The following HOMER2 variants were observed in gnomAD, a reference collection of about 807,000 sequenced individuals.
HOMER2 encodes the protein homer scaffold protein 2.
Under a neutral mutation model 47.0 loss-of-function variants are expected in HOMER2, and 27 were observed. The ratio of observed to expected loss-of-function variants is 0.57; its 90% confidence interval spans 0.42 to 0.79. The LOEUF is 0.79. HOMER2 is among the 30% of genes least tolerant of loss of function. The pLI, the probability that HOMER2 is intolerant of heterozygous loss-of-function variation, is 0.00. For missense variants in HOMER2, 443 were observed against 435.0 expected, an observed-to-expected ratio of 1.02 and a Z score of -0.16; for synonymous variants, 161 against 163.8, an observed-to-expected ratio of 0.98 and a Z score of 0.13.
chr15:82,975,783 T>A (rs2030180103), intron 1 of HOMER2, among the ~76,000 whole-genome samples: 1 of 152,200 alleles, frequency 6.6e-6, no homozygotes, highest in Admixed American at 6.6e-5. Flanking sequence ...GAGTAAGACC[T>A]ACTATTTGAT....
At chr15:82,878,358 G>A (rs866470573) in intron 2 of HOMER2, among the ~76,000 whole-genome samples, 2 of 152,058 alleles carry the variant, frequency 1.3e-5, no homozygotes, top group South Asian at 2.1e-4. Context: ...TTCAGATGGC[G>A]AAACTGAGGC....
intron 1 of HOMER2, among the ~76,000 whole-genome samples, chr15:82,970,062 T>C (rs7171145): frequency 0.011 from 1,743 of 152,330 alleles, 33 homozygotes; most frequent in African/African-American, 0.04. Context: ...GTGAGGATCA[T>C]ACATGGTAAG....
rs768242740 is a variant in HOMER2, at chr15:82,852,208, C to A, written c.696G>T (p.Lys232Asn). Residue 232 changes from lysine to asparagine, a missense_variant, in exon 7 of 9, where the codon AAG becomes AAT. Lys to Asn is a moderately conservative substitution (Grantham distance 94, BLOSUM62 0). Transcript: ENST00000450735. Reference protein sequence around the residue: ...EEQCSEINREKEKNTQLKRRI... With the variant: ...EEQCSEINRENEKNTQLKRRI... ...TCCTCTTCAGCTGCGTGTTCTTCTC[C>A]TTCTCTCTGTTGATCTCACTGCATT... 3.7e-6 allele frequency: 6 copies of A among 1,613,976 alleles called. No individual in the cohort carries two copies. The South Asian group carries it at 5.5e-5, about 15-fold the overall frequency.
chr15:82,900,702 A>C (rs2053086551), intron 1 of HOMER2, among the ~76,000 whole-genome samples: 1 of 152,232 alleles, frequency 6.6e-6, no homozygotes, highest in African/African-American at 2.4e-5. Context: ...TAGTGGAGAC[A>C]CAGAAATCCT....
chr15:82,934,962 G>C (rs551217659), intron 1 of HOMER2, among the ~76,000 whole-genome samples: 1 of 152,234 alleles, frequency 6.6e-6, no homozygotes, highest in Non-Finnish European at 1.5e-5. Context: ...AAGAGCCACA[G>C]ATGGGAACTC....
intron 4 of HOMER2, among the ~76,000 whole-genome samples, chr15:82,859,367 C>A (rs2051699710): frequency 1.3e-5 from 2 of 151,672 alleles, no homozygotes; most frequent in South Asian, 4.2e-4. Flanking sequence ...ACTATCATGA[C>A]CAAAGAAAAA....
chr15:82,953,268 A>G (rs2054544960), upstream of HOMER2, among the ~76,000 whole-genome samples: 3 of 151,684 alleles, frequency 2.0e-5, no homozygotes, highest in South Asian at 6.3e-4. Flanking sequence ...AGAAGAGCCT[A>G]CAGGCCGCGG....
intron 1 of HOMER2, among the ~76,000 whole-genome samples, chr15:82,984,175 G>A (rs950004800): frequency 6.6e-6 from 1 of 151,958 alleles, no homozygotes; most frequent in African/African-American, 2.4e-5. Context: ...TAGGACTACA[G>A]GCGCCGGCCA....
At chr15:82,968,200 C>G (rs1414133925) in intron 1 of HOMER2, among the ~76,000 whole-genome samples, 2 of 152,180 alleles carry the variant, frequency 1.3e-5, no homozygotes, top group Non-Finnish European at 2.9e-5. Context: ...CCATGGCCGG[C>G]CATTTTAACC....
In HOMER2 at chr15:82,913,423, C is replaced by T. The variant is rs573811494; in HGVS notation, c.6-20582G>A. ...TCCTTCTAGAACTTCTCTTCTGCAT[C>T]TGGAAACCCCATGCAGTTCCTAACC... On this transcript the variant is annotated intron_variant, in intron 1 of 8. Coordinates refer to ENST00000450735, the MANE Select transcript of HOMER2 (RefSeq NM_004839.4). The surrounding 1 kb of genome is among the most constrained non-coding windows in gnomAD (Gnocchi z 4.1). Among the ~76,000 whole-genome samples the T allele has an allele frequency of 1.4e-4, 21 of 152,250 alleles. No homozygotes were observed. The highest frequency in any genetic ancestry group is 4.6e-4 in the African/African-American group (19 of 41,546).
At chr15:82,947,145 T>A (rs2054399807) in intron 1 of HOMER2, among the ~76,000 whole-genome samples, 1 of 152,162 alleles carries the variant, frequency 6.6e-6, no homozygotes, top group Non-Finnish European at 1.5e-5. Context: ...TATTAGAAAG[T>A]GAAGTTTAAC....
intron 1 of HOMER2, among the ~76,000 whole-genome samples, chr15:82,909,366 G>A (rs1263325841): frequency 6.6e-6 from 1 of 152,190 alleles, no homozygotes; most frequent in African/African-American, 2.4e-5. Flanking sequence ...CCCTACTGCT[G>A]TGTCTTTCCC....
At chr15:82,864,947 T>C (rs2051917816) in intron 3 of HOMER2, among the ~76,000 whole-genome samples, 1 of 152,230 alleles carries the variant, frequency 6.6e-6, no homozygotes. Flanking sequence ...CTAAATATGG[T>C]TGCAGACAAA....
chr15:82,952,169 T>G (rs2054519417), intron 1 of HOMER2: 1 of 464,798 alleles, frequency 2.2e-6, no homozygotes, highest in Admixed American at 6.4e-5. Context: ...GACAAACTGC[T>G]TAGACTCACA....
chr15:82,918,286 G>A (rs181940500), intron 1 of HOMER2, among the ~76,000 whole-genome samples: 1,633 of 152,260 alleles, frequency 0.011, 8 homozygotes, highest in Non-Finnish European at 0.016. Context: ...TGAGGGTACA[G>A]ATACTCAGGC....
intron 1 of HOMER2, among the ~76,000 whole-genome samples, chr15:82,937,159 T>C (rs1156897442): frequency 6.6e-6 from 1 of 152,212 alleles, no homozygotes; most frequent in Non-Finnish European, 1.5e-5. Flanking sequence ...TGTTTCAACA[T>C]AGTCATACAG....
chr15:82,919,133 T>G (rs1238908421), intron 1 of HOMER2, among the ~76,000 whole-genome samples: 1 of 152,208 alleles, frequency 6.6e-6, no homozygotes, highest in Non-Finnish European at 1.5e-5. Context: ...ATATTTTCCA[T>G]GTGTCCGTGA....
chr15:82,868,010 T>C (rs568504145), intron 3 of HOMER2, among the ~76,000 whole-genome samples: 1 of 152,272 alleles, frequency 6.6e-6, no homozygotes, highest in East Asian at 1.9e-4. Flanking sequence ...CCTCCAAGTC[T>C]TGCATTTTCT....
chr15:82,898,289 C>T (rs2053001684), intron 1 of HOMER2: 1 of 152,198 alleles, frequency 6.6e-6, no homozygotes, highest in African/African-American at 2.4e-5. Context: ...GTGTGCAAAT[C>T]AATATAAATA....
Sources: gnomAD v4.1 joint callset for allele counts (sites outside exome capture counted in the v4.1 genomes callset) on GRCh38, gnomAD v4.1.1 for gene constraint, Gnocchi (gnomAD v3.1) non-coding constraint, MANE v1.5 for transcripts, NCBI Gene and HGNC (gene_info 2026-07-23, HGNC 2026-07-21) for gene names.